Variants in SLC25A33 observed in about 807,000 individuals in gnomAD.
SLC25A33 encodes the protein bone marrow stromal cell mitochondrial carrier protein.
In SLC25A33, 15 loss-of-function variants were observed where a neutral mutation model predicts 35.5. The observed-to-expected ratio is 0.42, with a 90% CI of 0.28 to 0.65. The LOEUF is 0.65. Among genes scored for constraint, SLC25A33 ranks in the 30% least tolerant of loss-of-function variants. The pLI, the probability that SLC25A33 is intolerant of heterozygous loss-of-function variation, is 0.20. For synonymous variants in SLC25A33, 136 were observed against 148.7 expected (o/e 0.91, Z 0.62); for missense variants, 257 against 398.5 (o/e 0.64, Z 3.02).
At chr1:9,573,266 G>A (rs1643615118) in intron 4 of SLC25A33, 80 bp from the exon 5 acceptor site, 2 of 1,044,402 alleles carry the variant, frequency 1.9e-6, no homozygotes, top group African/African-American at 1.6e-5. Context: ...CTATTTCAAA[G>A]TTTATTATAT....
intron 4 of SLC25A33, among the ~76,000 whole-genome samples, chr1:9,571,224 A>G (rs1343151509): frequency 1.3e-5 from 2 of 152,202 alleles, no homozygotes; most frequent in Non-Finnish European, 2.9e-5. Context: ...CTGAAAAGCC[A>G]TAGCGGGACT....
chr1:9,540,765 G>A (rs940164918), intron 1 of SLC25A33, among the ~76,000 whole-genome samples: 3 of 152,100 alleles, frequency 2.0e-5, no homozygotes, highest in Non-Finnish European at 4.4e-5. Flanking sequence ...TTCCTACCTG[G>A]ATATGTTCCT....
At chr1:9,565,782 G>T (rs1643492779) in intron 2 of SLC25A33, among the ~76,000 whole-genome samples, 2 of 151,248 alleles carry the variant, frequency 1.3e-5, no homozygotes, top group Admixed American at 1.3e-4. Flanking sequence ...GGGGGCTGAG[G>T]CAGGAGAATG....
At chr1:9,563,784 C>A (rs1263432444) in intron 2 of SLC25A33, among the ~76,000 whole-genome samples, 1 of 151,896 alleles carries the variant, frequency 6.6e-6, no homozygotes, top group Non-Finnish European at 1.5e-5. Flanking sequence ...GATCTGGGCT[C>A]ACTGCAGCCT....
chr1:9,563,146 G>C (rs1057333087), intron 2 of SLC25A33, among the ~76,000 whole-genome samples: 1 of 151,892 alleles, frequency 6.6e-6, no homozygotes, highest in Non-Finnish European at 1.5e-5. Flanking sequence ...GGACGGTCTC[G>C]ATCTCCTGAC....
chr1:9,541,177 G>A (rs1309420712), intron 1 of SLC25A33, among the ~76,000 whole-genome samples: 14 of 144,552 alleles, frequency 9.7e-5, no homozygotes, highest in Non-Finnish European at 1.8e-4. Context: ...TTTTTGAGAC[G>A]GAGTTTCGCT....
At chr1:9,544,086 C>CAG (rs763903459) in intron 1 of SLC25A33, among the ~76,000 whole-genome samples, 342 of 151,438 alleles carry the variant, frequency 2.3e-3, no homozygotes, top group Admixed American at 4.2e-3. Context: ...GCCTGGGAGA[C>CAG]AGAGAGAGAG....
At chr1:9,551,667 C>T (rs1397907403) in intron 1 of SLC25A33, among the ~76,000 whole-genome samples, 1 of 152,166 alleles carries the variant, frequency 6.6e-6, no homozygotes, top group Non-Finnish European at 1.5e-5. Flanking sequence ...AGCTTTTCTC[C>T]AAGGAGCTCC....
chr1:9,552,488 T>G (rs1351190925), intron 1 of SLC25A33, among the ~76,000 whole-genome samples: 4 of 152,120 alleles, frequency 2.6e-5, no homozygotes, highest in African/African-American at 9.7e-5. Flanking sequence ...TGCCTCAGCC[T>G]CCCAGAGTGG....
intron 5 of SLC25A33, 85 bp from the exon 6 acceptor site, chr1:9,579,869 C>T: frequency 6.9e-7 from 1 of 1,444,034 alleles, no homozygotes; most frequent in East Asian, 2.3e-5. Flanking sequence ...ATAAGGAAGA[C>T]CCGTACCTGT....
At chr1:9,555,295 T>G (rs985017803) in intron 2 of SLC25A33, among the ~76,000 whole-genome samples, 4 of 151,956 alleles carry the variant, frequency 2.6e-5, no homozygotes, top group African/African-American at 4.8e-5. Flanking sequence ...TTTTTTTGTA[T>G]TTTTAGTAGA....
At chr1:9,573,230 G>A in intron 4 of SLC25A33, 116 bp from the exon 5 acceptor site, 1 of 672,662 alleles carries the variant, frequency 1.5e-6, no homozygotes, top group South Asian at 2.3e-5. Flanking sequence ...GCTTCCTACT[G>A]TCTTTTTATT....
At chr1:9,557,481 C>T (rs534926037) in intron 2 of SLC25A33, among the ~76,000 whole-genome samples, 1 of 152,118 alleles carries the variant, frequency 6.6e-6, no homozygotes, top group Non-Finnish European at 1.5e-5. Flanking sequence ...ATTGCTTGAG[C>T]TGAGCCCAGG....
intron 5 of SLC25A33, among the ~76,000 whole-genome samples, chr1:9,574,484 T>A (rs1284784263): frequency 6.6e-6 from 1 of 152,226 alleles, no homozygotes; most frequent in Non-Finnish European, 1.5e-5. Context: ...GTCCAGTAAC[T>A]ACTATAATTT....
intron 5 of SLC25A33, among the ~76,000 whole-genome samples, chr1:9,576,079 T>C (rs1450646667): frequency 6.6e-6 from 1 of 152,218 alleles, no homozygotes; most frequent in Non-Finnish European, 1.5e-5. Context: ...GCTGAGAGCC[T>C]GTATATGTAT....
intron 2 of SLC25A33, among the ~76,000 whole-genome samples, chr1:9,566,867 A>T (rs1012689189): frequency 2.0e-5 from 3 of 151,648 alleles, no homozygotes; most frequent in African/African-American, 7.3e-5. Flanking sequence ...ATAAATAAAT[A>T]AAAATACAAA....
At chr1:9,571,004 C>T (rs758630822) in intron 4 of SLC25A33, among the ~76,000 whole-genome samples, 9 of 152,068 alleles carry the variant, frequency 5.9e-5, no homozygotes, top group Non-Finnish European at 8.8e-5. Flanking sequence ...TGAGCCACTG[C>T]GCCCAGCCCC....
intron 2 of SLC25A33, among the ~76,000 whole-genome samples, chr1:9,565,891 CAAAG>C (rs1211298038): frequency 8.0e-4 from 120 of 149,300 alleles, no homozygotes; most frequent in African/African-American, 2.0e-3. Context: ...AAAAAAAAAA[CAAAG>C]AAAAGAAAAT....
chr1:9,541,796 G>C (rs1269630540), intron 1 of SLC25A33, among the ~76,000 whole-genome samples: 1 of 151,250 alleles, frequency 6.6e-6, no homozygotes, highest in Non-Finnish European at 1.5e-5. Flanking sequence ...AGTGAGGTGG[G>C]TTTTTGCTTT....
Sources: allele counts gnomAD v4.1 joint callset (sites outside exome capture counted in the v4.1 genomes callset), GRCh38; gene constraint gnomAD v4.1.1; transcripts MANE v1.5; gene names NCBI Gene and HGNC (gene_info 2026-07-23, HGNC 2026-07-21).